Variants in KHDRBS2 observed in about 807,000 individuals in gnomAD.
The protein encoded by KHDRBS2 is KH domain-containing, RNA-binding, signal transduction-associated protein 2.
KHDRBS2 carries 26 observed loss-of-function variants against 44.3 expected under a neutral mutation model. That is an observed-to-expected ratio of 0.59 (90% CI 0.43 to 0.81). The LOEUF is 0.81. Ranked by LOEUF, KHDRBS2 falls within the 40% of genes least tolerant of loss-of-function variation. The probability of loss-of-function intolerance (pLI) is 0.00; values close to 1 mark genes in which losing one functional copy is unlikely to be tolerated. For synonymous variants in KHDRBS2, 194 were observed against 151.1 expected (o/e 1.28, Z -2.08); for missense variants, 476 against 433.1 (o/e 1.10, Z -0.88).
intron 2 of KHDRBS2, among the ~76,000 whole-genome samples, chr6:62,149,682 A>C (rs185508705): frequency 1.2e-4 from 18 of 152,348 alleles, no homozygotes; most frequent in Admixed American, 1.1e-3. Flanking sequence ...AGCACTTTGA[A>C]AGAATTTGAC....
At chr6:61,702,319 T>A (rs1025744992) in intron 7 of KHDRBS2, among the ~76,000 whole-genome samples, 1 of 151,956 alleles carries the variant, frequency 6.6e-6, no homozygotes, top group Non-Finnish European at 1.5e-5. Context: ...TAGAGTAACT[T>A]TGGACTCATG....
At chr6:61,574,664 G>A in the KHDRBS2 span, among the ~76,000 whole-genome samples, 8 of 152,138 alleles carry the variant, frequency 5.3e-5, no homozygotes, top group Non-Finnish European at 1.2e-4. Flanking sequence ...CCAGTGGTTT[G>A]AGAGGCTGAG....
intron 3 of KHDRBS2, among the ~76,000 whole-genome samples, chr6:62,026,237 T>C (rs1271878641): frequency 6.6e-6 from 1 of 151,540 alleles, no homozygotes; most frequent in Non-Finnish European, 1.5e-5. Flanking sequence ...CTTTCCCCAC[T>C]TGGCAATATG....
chr6:61,773,904 C>T (rs1781461880), intron 6 of KHDRBS2, among the ~76,000 whole-genome samples: 1 of 151,560 alleles, frequency 6.6e-6, no homozygotes, highest in Non-Finnish European at 1.5e-5. Flanking sequence ...ATAGGGAATC[C>T]TTTCCCCATT....
chr6:62,169,136 C>CATATATGTGTGTATATATACATAT (rs1819376528), intron 2 of KHDRBS2, among the ~76,000 whole-genome samples: 1 of 78,408 alleles, frequency 1.3e-5, no homozygotes, highest in Non-Finnish European at 2.4e-5. Context: ...TACATATACA[C>CATATATGTGTGTATATATACATAT]ACATATATGT....
At chr6:61,643,355 A>T in the KHDRBS2 span, among the ~76,000 whole-genome samples, 3 of 152,168 alleles carry the variant, frequency 2.0e-5, no homozygotes, top group African/African-American at 7.2e-5. Flanking sequence ...AGCTGACATC[A>T]TACAGAATGG....
At chr6:61,899,763 A>G (rs1803618981) in intron 5 of KHDRBS2, among the ~76,000 whole-genome samples, 1 of 142,226 alleles carries the variant, frequency 7.0e-6, no homozygotes, top group Non-Finnish European at 1.6e-5. Context: ...GGCATACAAA[A>G]TAGAAAAGTG....
At chr6:62,019,374 A>T (rs2127278348) in intron 3 of KHDRBS2, among the ~76,000 whole-genome samples, 1 of 152,172 alleles carries the variant, frequency 6.6e-6, no homozygotes, top group Non-Finnish European at 1.5e-5. Context: ...ATCAATTGAG[A>T]TTATCATATA....
At chr6:62,106,710 G>C (rs966915643) in intron 2 of KHDRBS2, among the ~76,000 whole-genome samples, 65 of 152,072 alleles carry the variant, frequency 4.3e-4, no homozygotes, top group Non-Finnish European at 6.6e-4. Context: ...ACTGGCAAAC[G>C]GAATCCAGCA....
At chr6:61,700,835 C>A (rs1768539413) in intron 7 of KHDRBS2, among the ~76,000 whole-genome samples, 1 of 151,624 alleles carries the variant, frequency 6.6e-6, no homozygotes, top group African/African-American at 2.4e-5. Context: ...ACGGGAGGTA[C>A]CTCTGCCTCT....
At chr6:62,070,699 A>G (rs1317730829) in intron 2 of KHDRBS2, among the ~76,000 whole-genome samples, 3 of 152,266 alleles carry the variant, frequency 2.0e-5, no homozygotes, top group African/African-American at 4.8e-5. Flanking sequence ...ATAGTATTCC[A>G]TGGTGTATAT....
the KHDRBS2 span, among the ~76,000 whole-genome samples, chr6:61,629,883 T>C: frequency 6.6e-6 from 1 of 152,226 alleles, no homozygotes; most frequent in Non-Finnish European, 1.5e-5. Context: ...TATTTTTACT[T>C]ACTGTCAATG....
At chr6:62,244,487 TAAAG>T (rs1426845431) in intron 1 of KHDRBS2, among the ~76,000 whole-genome samples, 4 of 152,122 alleles carry the variant, frequency 2.6e-5, no homozygotes, top group African/African-American at 9.7e-5. Context: ...TATGACATAA[TAAAG>T]AAAGCACATG....
intron 6 of KHDRBS2, among the ~76,000 whole-genome samples, chr6:61,877,897 C>G (rs893330770): frequency 6.6e-6 from 1 of 151,368 alleles, no homozygotes; most frequent in Non-Finnish European, 1.5e-5. Flanking sequence ...TAAAAATTAT[C>G]TAAAATGTTT....
At chr6:62,201,807 A>G (rs1335347838) in intron 1 of KHDRBS2, among the ~76,000 whole-genome samples, 2 of 152,058 alleles carry the variant, frequency 1.3e-5, no homozygotes, top group African/African-American at 2.4e-5. Context: ...AAAATAGATC[A>G]TCATCAATAG....
intron 6 of KHDRBS2, among the ~76,000 whole-genome samples, chr6:61,824,587 C>T (rs1790539884): frequency 6.6e-6 from 1 of 152,054 alleles, no homozygotes; most frequent in Non-Finnish European, 1.5e-5. Context: ...GTTGAAAGTG[C>T]AGGATTCTAC....
chr6:61,744,348 G>T (rs1265585852), intron 6 of KHDRBS2, among the ~76,000 whole-genome samples: 3 of 152,132 alleles, frequency 2.0e-5, no homozygotes, highest in Non-Finnish European at 4.4e-5. Context: ...GGTAGGAACA[G>T]TGAGCTCATG....
At chr6:61,605,725 C>A in the KHDRBS2 span, among the ~76,000 whole-genome samples, 1 of 152,138 alleles carries the variant, frequency 6.6e-6, no homozygotes, top group African/African-American at 2.4e-5. Context: ...TGAGAAACAT[C>A]ACCTATTATC....
intron 6 of KHDRBS2, 86 bp downstream of exon 6, chr6:61,894,549 T>C: frequency 9.4e-7 from 1 of 1,062,390 alleles, no homozygotes; most frequent in African/African-American, 1.6e-5. Flanking sequence ...ACCTGCTATA[T>C]TCACGGTATA....
Sources: gnomAD v4.1 joint callset for allele counts (sites outside exome capture counted in the v4.1 genomes callset) on GRCh38, gnomAD v4.1.1 for gene constraint, MANE v1.5 for transcripts, NCBI Gene and HGNC (gene_info 2026-07-23, HGNC 2026-07-21) for gene names.